The following CREBBP variants were observed in gnomAD, a reference collection of about 807,000 sequenced individuals.
CREBBP encodes the protein CREB binding lysine acetyltransferase.
CREBBP carries 19 observed loss-of-function variants against 265.0 expected under a neutral mutation model. The ratio of observed to expected loss-of-function variants is 0.07; its 90% CI spans 0.05 to 0.11. CREBBP has a LOEUF of 0.11. Ranked by LOEUF, CREBBP falls within the 10% of genes least tolerant of loss-of-function variation. CREBBP has a pLI of 1.00. For synonymous variants in CREBBP, 1,457 were observed against 1,223.7 expected (o/e 1.19, Z -3.98); for missense variants, 2,525 against 3,219.0 (o/e 0.78, Z 5.22).
chr16:3,811,220 T>C (rs900375748), intron 2 of CREBBP, among the ~76,000 whole-genome samples: 3 of 152,140 alleles, frequency 2.0e-5, no homozygotes, highest in Non-Finnish European at 4.4e-5. Flanking sequence ...ACAGTGGAAA[T>C]ATTGCAATGA....
At chr16:3,825,546 T>G (rs539002114) in intron 2 of CREBBP, among the ~76,000 whole-genome samples, 24 of 152,198 alleles carry the variant, frequency 1.6e-4, no homozygotes, top group Admixed American at 5.9e-4. Flanking sequence ...TCTGGACACT[T>G]TGCCTCAGTA....
chr16:3,793,362 AG>A, intron 4 of CREBBP, 23 bp downstream of exon 4: 1 of 1,613,678 alleles, frequency 6.2e-7, no homozygotes, highest in Non-Finnish European at 8.5e-7. Context: ...CTCTACCACT[AG>A]GAGTTCCAAA....
At chr16:3,864,903 C>G (rs1194620207) in intron 1 of CREBBP, among the ~76,000 whole-genome samples, 3 of 152,184 alleles carry the variant, frequency 2.0e-5, no homozygotes, top group Non-Finnish European at 4.4e-5. Context: ...CCCTCCTTTA[C>G]TAAAAATACA....
intron 16 of CREBBP, among the ~76,000 whole-genome samples, chr16:3,766,530 C>CT (rs58087111): frequency 0.019 from 2,756 of 146,480 alleles, 76 homozygotes; most frequent in African/African-American, 0.063. Flanking sequence ...AAATTTTTCT[C>CT]TTTTTTTTTT....
intron 16 of CREBBP, among the ~76,000 whole-genome samples, chr16:3,764,042 A>T (rs1331884493): frequency 6.6e-6 from 1 of 152,122 alleles, no homozygotes; most frequent in Non-Finnish European, 1.5e-5. Context: ...GAAAGCCAAC[A>T]TCACCAAACT....
At chr16:3,784,198 A>G (rs1485539679) in intron 5 of CREBBP, among the ~76,000 whole-genome samples, 1 of 152,176 alleles carries the variant, frequency 6.6e-6, no homozygotes, top group African/African-American at 2.4e-5. Flanking sequence ...TCTCACATTC[A>G]ACCATCAGCA....
At position 3,770,856 on chromosome 16, in the gene CREBBP, C is replaced by A. The variant is rs1287881042; in HGVS notation, c.2594G>T (p.Gly865Val). Residue 865 changes from glycine to valine, a missense_variant, in exon 14 of 31, where the codon GGC becomes GTC. Physicochemically the swap from Gly to Val is moderately radical, Grantham distance 109 (BLOSUM62 -3). Around this residue, in one of 19 missense-constraint regions of CREBBP, gnomAD observed 548 missense variants for 533.0 expected, o/e 1.03. Transcript: ENST00000262367. ...TGTCGTGTGCTGGAGAGATGGCATG[C>A]CAGCAGCCGTGGAAGCAGGAGGCGG... ...PTPPPASTAAGMPSLQHTTPP... is the reference protein window; with the variant it reads ...PTPPPASTAAVMPSLQHTTPP... 1.9e-6 allele frequency: 3 copies of A among 1,613,650 alleles called. No individual in the cohort carries two copies. In the African/African-American group the frequency reaches 4.0e-5, roughly 22 times the overall value.
intron 5 of CREBBP, among the ~76,000 whole-genome samples, chr16:3,790,158 C>CATCACAAT (rs1187273853): frequency 5.9e-5 from 9 of 152,040 alleles, no homozygotes; most frequent in African/African-American, 2.2e-4. Context: ...GAAATTTAGC[C>CATCACAAT]ATCACAATAT....
chr16:3,837,384 G>A (rs2054474899), intron 2 of CREBBP, among the ~76,000 whole-genome samples: 1 of 152,298 alleles, frequency 6.6e-6, no homozygotes, highest in South Asian at 2.1e-4. Flanking sequence ...GGGAGGCCGA[G>A]GCGGGCAGAC....
At chr16:3,873,173 C>T (rs767830529) in intron 1 of CREBBP, among the ~76,000 whole-genome samples, 21 of 152,306 alleles carry the variant, frequency 1.4e-4, no homozygotes, top group African/African-American at 4.8e-4. Context: ...AGTAAACAAA[C>T]AGAATCACAT....
chr16:3,780,661 G>C (rs919217401), intron 8 of CREBBP, 71 bp downstream of exon 8: 1 of 1,536,716 alleles, frequency 6.5e-7, no homozygotes, highest in African/African-American at 1.4e-5. Flanking sequence ...CTAGGGTACT[G>C]TCATCTGGTA....
rs540410856 is a variant in CREBBP, at chr16:3,823,885, C to T, written c.799-13106G>A. Among the ~76,000 whole-genome samples, 20 of 152,126 alleles carry T rather than the reference C, an allele frequency of 1.3e-4. No individual in the cohort carries two copies. In the East Asian group the frequency reaches 3.3e-3, roughly 25 times the overall value. On this transcript the variant is annotated intron_variant, in intron 2 of 30. Coordinates refer to ENST00000262367, the MANE Select transcript of CREBBP (RefSeq NM_004380.3). ...AGACCACTAGGCAGCTATCACGTTG[C>T]CACCCGCCCCTAGCTCTCTTCAGCA... is the stretch of plus-strand genomic sequence containing the variant.
At chr16:3,865,928 G>A (rs1437233101) in intron 1 of CREBBP, among the ~76,000 whole-genome samples, 3 of 152,082 alleles carry the variant, frequency 2.0e-5, no homozygotes, top group Non-Finnish European at 4.4e-5. Flanking sequence ...AGCCCACCGC[G>A]CCCGGCCAAG....
chr16:3,740,124 G>C (rs923711850), intron 24 of CREBBP, among the ~76,000 whole-genome samples: 1 of 152,196 alleles, frequency 6.6e-6, no homozygotes, highest in Non-Finnish European at 1.5e-5. Context: ...GGCACAGCAA[G>C]AGATTAACAA....
chr16:3,816,833 AAATG>A lies in CREBBP; in HGVS notation c.799-6058_799-6055del, dbSNP rs772196978. On this transcript the variant is annotated intron_variant, in intron 2 of 30. Transcript: ENST00000262367. ...TACCAGGGATGCAGCGGAAGGACCC[AAATG>A]AATGAACACGCCAAAGCACCACCAT... Among the ~76,000 whole-genome samples the A allele has an allele frequency of 9.8e-5, 15 of 152,354 alleles. No individual in the cohort carries two copies. The East Asian group carries it at 1.2e-3, about 12-fold the overall frequency.
At chr16:3,801,291 C>T (rs151290996) in intron 3 of CREBBP, among the ~76,000 whole-genome samples, 102 of 152,296 alleles carry the variant, frequency 6.7e-4, no homozygotes, top group Middle Eastern at 6.8e-3. Flanking sequence ...CAAATAAATG[C>T]CTATGTCTCT....
At chr16:3,856,164 C>T (rs889732291) in intron 1 of CREBBP, among the ~76,000 whole-genome samples, 1 of 152,210 alleles carries the variant, frequency 6.6e-6, no homozygotes, top group African/African-American at 2.4e-5. Flanking sequence ...TAGGGTCTTG[C>T]TCTGTCACCT....
intron 3 of CREBBP, among the ~76,000 whole-genome samples, chr16:3,803,927 A>G (rs930669755): frequency 6.6e-6 from 1 of 152,046 alleles, no homozygotes; most frequent in Admixed American, 6.6e-5. Context: ...CAAAAAAAAT[A>G]CAAAAAATTT....
chr16:3,777,680 A>G, intron 10 of CREBBP, 23 bp from the exon 11 acceptor site: 1 of 1,613,594 alleles, frequency 6.2e-7, no homozygotes, highest in Non-Finnish European at 8.5e-7. Context: ...AACAAAAACA[A>G]AAACAAAACC....
Sources: gnomAD v4.1 joint callset for allele counts (sites outside exome capture counted in the v4.1 genomes callset) on GRCh38, gnomAD v4.1.1 for gene constraint, gnomAD v4.1.1 regional missense constraint, MANE v1.5 for transcripts, NCBI Gene and HGNC (gene_info 2026-07-23, HGNC 2026-07-21) for gene names.